NEXMIF: variants seen among roughly 807,000 people sequenced by gnomAD.
NEXMIF encodes XLMR protein related to neurite extension.
In NEXMIF, 8 loss-of-function variants were observed where a neutral mutation model predicts 62.1. That is an observed-to-expected ratio of 0.13 (90% CI 0.08 to 0.23). NEXMIF has a LOEUF of 0.23. Ranked by LOEUF, NEXMIF falls within the 10% of genes least tolerant of loss-of-function variation. NEXMIF has a pLI of 1.00. For synonymous variants in NEXMIF, 404 were observed against 416.6 expected (o/e 0.97, Z 0.37); for missense variants, 976 against 1,113.3 (o/e 0.88, Z 1.75).
rs1025352162 is a variant in NEXMIF, at chrX:74,870,512, A to G, written c.-48+54371T>C. Among the ~76,000 whole-genome samples, 3 of 111,853 alleles carry G rather than the reference A, an allele frequency of 2.7e-5. No homozygotes were observed. The East Asian group carries it at 8.5e-4, about 32-fold the overall frequency. ...AAGCTTCTGCACAGCAAAGGAAACA[A>G]TCAACAAAGTGAAAGGGTAACCCAC... On this transcript the variant is annotated intron_variant, in intron 1 of 3. Coordinates refer to ENST00000055682, the MANE Select transcript of NEXMIF (RefSeq NM_001008537.3).
chrX:74,913,563 C>A (rs1326853477), intron 1 of NEXMIF, among the ~76,000 whole-genome samples: 1 of 110,057 alleles, frequency 9.1e-6, no homozygotes, highest in Non-Finnish European at 1.9e-5. Flanking sequence ...TTAGCATATA[C>A]CAAACCAGAT....
At chrX:74,818,268 A>G (rs748685323) in intron 1 of NEXMIF, among the ~76,000 whole-genome samples, 2 of 111,633 alleles carry the variant, frequency 1.8e-5, no homozygotes, top group African/African-American at 3.3e-5. Flanking sequence ...CTGGTACAAA[A>G]ACAGACACAT....
rs1214859143 is a variant in NEXMIF, at chrX:74,813,699, A to G, written c.-47-68002T>C. On this transcript the variant is annotated intron_variant, in intron 1 of 3. Transcript: ENST00000055682. ...ATCCACCAGTATGTGAATTCCATGA[A>G]AGCAGAAATTTTCATCTGTATGTAT... 1.8e-5 allele frequency among the ~76,000 whole-genome samples: 2 copies of G among 112,112 alleles called. 1 individual carries two copies. Among genetic ancestry groups the G allele is most frequent in the Admixed American group, 1.9e-4 (2 of 10,530 alleles).
chrX:74,790,644 T>G (rs1323209742), intron 1 of NEXMIF, among the ~76,000 whole-genome samples: 2 of 113,628 alleles, frequency 1.8e-5, no homozygotes, highest in East Asian at 2.7e-4. Context: ...TATCCTCTTT[T>G]ATTTCATTGA....
At position 74,738,168 on chromosome X, in the gene NEXMIF, T is replaced by C. The variant is rs2080090938; in HGVS notation, c.*1237A>G. On this transcript the variant is annotated 3_prime_UTR_variant, in exon 4 of 4. Transcript: ENST00000055682. Reference sequence around the variant, plus strand: ...CTGAATAAAAAATGTGATTTAAAAATTTGTACTTAAAATTGAGATTTAAGT... The same window carrying C: ...CTGAATAAAAAATGTGATTTAAAAACTTGTACTTAAAATTGAGATTTAAGT... 2 of 111,651 alleles carry C rather than the reference T, an allele frequency of 1.8e-5. No individual in the cohort carries two copies. The highest frequency in any genetic ancestry group is 6.5e-5 in the African/African-American group (2 of 30,725). 9.2% of individuals were successfully genotyped at this position (111,651 alleles called of 1,213,427 possible).
In NEXMIF at chrX:74,742,702, C is replaced by T. The variant is rs946890461; in HGVS notation, c.1855G>A (p.Val619Met). 3.3e-6 allele frequency: 4 copies of T among 1,209,322 alleles called. No homozygotes were observed. Among genetic ancestry groups the T allele is most frequent in the African/African-American group, 3.5e-5 (2 of 57,173 alleles). The change falls in exon 3 of 4, where the codon GTG (valine) becomes ATG (methionine). Residue 619 changes from valine to methionine, a missense_variant. Val to Met is a conservative substitution (Grantham distance 21). This residue lies in a region of NEXMIF where 639 missense variants were observed against 694.5 expected (regional missense o/e 0.92). Transcript: ENST00000055682. ...TTGCGAGCAGGTGGCAGAAATGACA[C>T]CTCAAAGCTACCTGGTTCAAAGCTT... ...KQSFEPGSFE[V>M]SFLPPARKRK...
intron 1 of NEXMIF, among the ~76,000 whole-genome samples, chrX:74,837,249 G>A (rs2080460159): frequency 9.0e-6 from 1 of 111,609 alleles, no homozygotes; most frequent in South Asian, 3.8e-4. Context: ...TATAAAGTCC[G>A]GTACTGTGAT....
At chrX:74,761,804 G>A (rs2080177070) in intron 1 of NEXMIF, among the ~76,000 whole-genome samples, 1 of 110,619 alleles carries the variant, frequency 9.0e-6, no homozygotes, top group Non-Finnish European at 1.9e-5. Context: ...AGTTCTTTTA[G>A]TTGTGGTGTC....
At position 74,742,319 on chromosome X, in the gene NEXMIF, C is replaced by G. The variant is rs763515381; in HGVS notation, c.2238G>C (p.Met746Ile). Reference protein sequence around the residue: ...AGQESKPIVQMSPLLENQSSK... With the variant: ...AGQESKPIVQISPLLENQSSK... ...AGGATTGGTTTTCCAAGAGAGGGCTCATTTGAACAATTGGCTTGCTTTCTT... is the reference window on the plus strand; with the variant it reads ...AGGATTGGTTTTCCAAGAGAGGGCTGATTTGAACAATTGGCTTGCTTTCTT... Residue 746 changes from methionine (M) to isoleucine (I), a missense_variant, in exon 3 of 4, where the codon ATG becomes ATC. This residue lies in a region of NEXMIF where 639 missense variants were observed against 694.5 expected (regional missense o/e 0.92). Transcript: ENST00000055682. 2.5e-6 allele frequency: 3 copies of G among 1,209,694 alleles called. No individual in the cohort carries two copies.
intron 1 of NEXMIF, among the ~76,000 whole-genome samples, chrX:74,904,354 A>T (rs1010791571): frequency 8.9e-6 from 1 of 112,100 alleles, no homozygotes; most frequent in Admixed American, 9.5e-5. Flanking sequence ...TTGCTGGAAA[A>T]TATCCCACGC....
At chrX:74,871,534 G>A (rs2080600863) in intron 1 of NEXMIF, among the ~76,000 whole-genome samples, 1 of 111,107 alleles carries the variant, frequency 9.0e-6, no homozygotes, top group African/African-American at 3.3e-5. Context: ...GTAAGCCTGA[G>A]GGCACTGCAG....
chrX:74,750,247 G>A (rs2147444622), intron 1 of NEXMIF, among the ~76,000 whole-genome samples: 1 of 112,120 alleles, frequency 8.9e-6, no homozygotes, highest in African/African-American at 3.2e-5. Flanking sequence ...TGACAGGTAA[G>A]GGAGCAGTAG....
At chrX:74,809,563 C>T (rs1440051158) in intron 1 of NEXMIF, among the ~76,000 whole-genome samples, 1 of 111,611 alleles carries the variant, frequency 9.0e-6, no homozygotes, top group Non-Finnish European at 1.9e-5. Flanking sequence ...TTTGATGCAC[C>T]CAACCAAGAA....
rs185678229 is a variant in NEXMIF at position 74,746,617 on chromosome X, T to C, written c.-47-920A>G. 8.4e-4 allele frequency among the ~76,000 whole-genome samples: 94 copies of C among 112,252 alleles called. No individual in the cohort carries two copies. The Middle Eastern group carries it at 0.014, about 17-fold the overall frequency. ...TATTATAAGAATCTCAATTGTATAGTCATTTATCCTAATGCATGCAATATA... is the reference window on the plus strand; with the variant it reads ...TATTATAAGAATCTCAATTGTATAGCCATTTATCCTAATGCATGCAATATA... On this transcript the variant is annotated intron_variant, in intron 1 of 3. Coordinates refer to ENST00000055682, the MANE Select transcript of NEXMIF (RefSeq NM_001008537.3).
At chrX:74,758,644 T>G (rs2080166515) in intron 1 of NEXMIF, among the ~76,000 whole-genome samples, 1 of 111,472 alleles carries the variant, frequency 9.0e-6, no homozygotes, top group African/African-American at 3.3e-5. Flanking sequence ...CCCACTTCTA[T>G]GTGAGAACAA....
At chrX:74,813,803 CAATG>C (rs1247644086) in intron 1 of NEXMIF, among the ~76,000 whole-genome samples, 1 of 112,043 alleles carries the variant, frequency 8.9e-6, no homozygotes, top group Non-Finnish European at 1.9e-5. Flanking sequence ...ATTAAGGACT[CAATG>C]AATAAGCTAA....
chrX:74,780,313 G>A (rs2080242348), intron 1 of NEXMIF, among the ~76,000 whole-genome samples: 1 of 110,553 alleles, frequency 9.0e-6, no homozygotes. Context: ...ATGGTTCATG[G>A]ATGTAATAAA....
At position 74,886,208 on chromosome X, in the gene NEXMIF, A is replaced by G. The variant is rs2080692393; in HGVS notation, c.-48+38675T>C. Among the ~76,000 whole-genome samples, 4 of 111,805 alleles carry G rather than the reference A, an allele frequency of 3.6e-5. No individual in the cohort carries two copies. In the South Asian group the frequency reaches 1.5e-3, roughly 42 times the overall value. On this transcript the variant is annotated intron_variant, in intron 1 of 3. Transcript: ENST00000055682. The stretch of plus-strand genomic sequence containing the variant: ...GCCAATATCATACTGAATGGACAAA[A>G]ACTGGAAGCATTCCCTTTGAAAACT...
rs766682133 is a variant in NEXMIF, at chrX:74,745,279, G to A, written c.79+293C>T. 1.4e-3 allele frequency among the ~76,000 whole-genome samples: 156 copies of A among 111,144 alleles called. 2 individuals carry two copies. Among genetic ancestry groups the A allele is most frequent in the Non-Finnish European group, 4.5e-4 (24 of 53,056 alleles). On this transcript the variant is annotated intron_variant, in intron 2 of 3. Coordinates refer to ENST00000055682, the MANE Select transcript of NEXMIF (RefSeq NM_001008537.3). ...ATTACAGGCATGAGCCACTGCGCCC[G>A]GCCACTCTAGAAGTTCTAAGCCTCA...
Sources: gnomAD v4.1 joint callset for allele counts (sites outside exome capture counted in the v4.1 genomes callset) on GRCh38, gnomAD v4.1.1 for gene constraint, gnomAD v4.1.1 regional missense constraint, MANE v1.5 for transcripts, NCBI Gene and HGNC (gene_info 2026-07-23, HGNC 2026-07-21) for gene names.